The following LSS variants were observed in gnomAD, a reference collection of about 807,000 sequenced individuals.
LSS encodes the protein lanosterol synthase.
A neutral mutation model predicts 110.3 loss-of-function variants in LSS; 90 were observed. That is an observed-to-expected ratio of 0.82 (90% CI 0.69 to 0.97). The LOEUF is 0.97. Ranked by LOEUF, LSS falls within the 50% of genes least tolerant of loss-of-function variation. The pLI, the probability that LSS is intolerant of heterozygous loss-of-function variation, is 0.00. For synonymous variants in LSS, 433 were observed against 400.0 expected, an observed-to-expected ratio of 1.08 and a Z score of -0.98; for missense variants, 927 against 990.0, an observed-to-expected ratio of 0.94 and a Z score of 0.85.
At position 46,191,224 on chromosome 21, in the gene LSS, A is replaced by G. The variant is rs1409446025; in HGVS notation, c.2079T>C (p.Ala693=). The part of the protein sequence containing the change: ...PNGDWPQENI[A]GVFNKSCAIS... ...TGGCACAGGACTTGTTGAAGACCCC[A>G]GCAATGTTTTCCTAAAAGAACACAG... is the stretch of plus-strand genomic sequence containing the variant. The change falls in exon 22 of 22, where the codon GCT becomes GCC. Residue 693 remains alanine (A), a synonymous_variant. Coordinates refer to ENST00000397728, the MANE Select transcript of LSS (RefSeq NM_002340.6). The G allele has an allele frequency of 1.2e-6, 2 of 1,614,084 alleles. No individual in the cohort carries two copies. Among genetic ancestry groups the G allele is most frequent in the South Asian group, 2.2e-5 (2 of 91,090 alleles).
chr21:46,206,747 C>G lies in LSS; in HGVS notation c.1489G>C (p.Asp497His). 1 of 1,612,348 alleles carries G rather than the reference C, an allele frequency of 6.2e-7. No individual in the cohort carries two copies. Among genetic ancestry groups the G allele is most frequent in the Non-Finnish European group, 8.5e-7 (1 of 1,179,958 alleles). ...VAVLLNMRNP[D>H]GGFATYETKR... Reference sequence around the variant, plus strand: ...GTCTCATAGGTGGCGAACCCTCCATCTGGATTTCTCATGTTCAGCAGCTGA... The same window carrying G: ...GTCTCATAGGTGGCGAACCCTCCATGTGGATTTCTCATGTTCAGCAGCTGA... Residue 497 changes from aspartate to histidine, a missense_variant, in exon 16 of 22, where the codon GAT (aspartate) becomes CAT (histidine). By Grantham distance (81) the Asp-to-His change is moderately conservative (BLOSUM62 -1). Coordinates refer to ENST00000397728, the MANE Select transcript of LSS (RefSeq NM_002340.6).
At chr21:46,203,780 A>G (rs1246490094) in intron 17 of LSS, among the ~76,000 whole-genome samples, 1 of 152,224 alleles carries the variant, frequency 6.6e-6, no homozygotes, top group African/African-American at 2.4e-5. Flanking sequence ...GAACATTCTC[A>G]GATTGTAAAT....
At position 46,207,367 on chromosome 21, in the gene LSS, A is replaced by T. The variant is rs555942965; in HGVS notation, c.1467+61T>A. The T allele has an allele frequency of 3.9e-5, 61 of 1,583,246 alleles. No individual in the cohort carries two copies. In the East Asian group the frequency reaches 1.3e-3, roughly 34 times the overall value. ...GCTGGAGCCCACAGGAGTGGAAGTGAGCACGCAGCTCATCTGCAGGACACG... is the reference window on the plus strand; with the variant it reads ...GCTGGAGCCCACAGGAGTGGAAGTGTGCACGCAGCTCATCTGCAGGACACG... On this transcript the variant is annotated intron_variant, in intron 15 of 21. Coordinates refer to ENST00000397728, the MANE Select transcript of LSS (RefSeq NM_002340.6).
chr21:46,207,385 AG>A, intron 15 of LSS, 42 bp downstream of exon 15: 1 of 1,604,014 alleles, frequency 6.2e-7, no homozygotes, highest in Non-Finnish European at 8.5e-7. Context: ...GCTCATCTGC[AG>A]GACACGAGGT....
intron 3 of LSS, among the ~76,000 whole-genome samples, chr21:46,223,770 G>A (rs61143328): frequency 0.018 from 2,746 of 152,280 alleles, 82 homozygotes; most frequent in African/African-American, 0.062. Flanking sequence ...ACAGGAGTGC[G>A]AGCCTTCTGT....
chr21:46,195,545 G>T, intron 19 of LSS, 131 bp downstream of exon 19: 2 of 863,462 alleles, frequency 2.3e-6, no homozygotes, highest in South Asian at 1.5e-5. Flanking sequence ...CCGGTTGACA[G>T]AGCGAGACTC....
chr21:46,209,503 A>C lies in LSS; in HGVS notation c.1266+51T>G, dbSNP rs755883664. 2.0e-6 allele frequency: 3 copies of C among 1,528,820 alleles called. No homozygotes were observed. The African/African-American group carries it at 4.1e-5, about 21-fold the overall frequency. The allele number at this position is 1,528,820 out of a possible 1,614,324, so 94.7% of individuals were successfully genotyped here. A position where few individuals can be genotyped will look rare whatever the true frequency, so the allele number is the denominator to read the frequency against. ...GGCACTTCTGCCTGCAGGAGCTCCCAGCCCTGATCCCCCTCTTCAGCCCCC... is the reference window on the plus strand; with the variant it reads ...GGCACTTCTGCCTGCAGGAGCTCCCCGCCCTGATCCCCCTCTTCAGCCCCC... On this transcript the variant is annotated intron_variant, in intron 13 of 21. Coordinates refer to ENST00000397728, the MANE Select transcript of LSS (RefSeq NM_002340.6). This position sits in a 1 kb window ranked among gnomAD's most constrained non-coding sequence, Gnocchi z 4.4.
intron 17 of LSS, among the ~76,000 whole-genome samples, chr21:46,198,414 A>T (rs1278553933): frequency 1.3e-5 from 2 of 152,242 alleles, no homozygotes; most frequent in Admixed American, 6.5e-5. Context: ...TCTATATATG[A>T]TGAAAACTAC....
intron 17 of LSS, among the ~76,000 whole-genome samples, chr21:46,200,427 A>G (rs907248861): frequency 2.0e-5 from 3 of 152,236 alleles, no homozygotes; most frequent in African/African-American, 2.4e-5. Context: ...GAAACTAAGT[A>G]CAGCGGTCAT....
intron 3 of LSS, among the ~76,000 whole-genome samples, chr21:46,224,163 A>G (rs1287704553): frequency 6.6e-6 from 1 of 152,214 alleles, no homozygotes; most frequent in Non-Finnish European, 1.5e-5. Context: ...ATATGCAGAA[A>G]TAATGGCATA....
In LSS at chr21:46,208,237, T is replaced by A. The variant is rs1213392445; in HGVS notation, c.1317+14A>T. 6.4e-7 allele frequency: 1 copy of A among 1,551,762 alleles called. No homozygotes were observed. The highest frequency in any genetic ancestry group is 1.4e-5 in the African/African-American group (1 of 73,188). On this transcript the variant is annotated intron_variant, in intron 14 of 21. Coordinates refer to ENST00000397728, the MANE Select transcript of LSS (RefSeq NM_002340.6). ...CTGGGGGACGGGACAGGGATGGGGC[T>A]GGCTCCCGCATACCTTGCGCATCTG...
At chr21:46,203,130 G>A (rs543868089) in intron 17 of LSS, among the ~76,000 whole-genome samples, 10 of 152,366 alleles carry the variant, frequency 6.6e-5, no homozygotes, top group African/African-American at 2.2e-4. Flanking sequence ...AGGTCAGACA[G>A]CCAGAAGGGG....
intron 11 of LSS, among the ~76,000 whole-genome samples, chr21:46,211,842 G>A (rs578152893): frequency 6.6e-6 from 1 of 152,306 alleles, no homozygotes; most frequent in Admixed American, 6.5e-5. Flanking sequence ...AGAGACGGCT[G>A]GACTAACAGG....
chr21:46,217,938 T>C (rs528557294), intron 6 of LSS, among the ~76,000 whole-genome samples: 1 of 152,260 alleles, frequency 6.6e-6, no homozygotes, highest in South Asian at 2.1e-4. Flanking sequence ...CCTACTCTGG[T>C]ATCTCTGTCT....
chr21:46,192,224 C>G (rs1419282729), intron 20 of LSS: 3 of 559,080 alleles, frequency 5.4e-6, no homozygotes, highest in Non-Finnish European at 9.6e-6. Flanking sequence ...GTGTTCCCCC[C>G]TGAAGAGGAC....
intron 14 of LSS, 71 bp from the exon 15 acceptor site, chr21:46,207,648 G>A (rs1038204795): frequency 1.1e-5 from 17 of 1,507,030 alleles, no homozygotes; most frequent in Middle Eastern, 3.4e-4. Flanking sequence ...CCCCACAGCC[G>A]CACGCATCCC....
intron 9 of LSS, among the ~76,000 whole-genome samples, chr21:46,214,969 G>A (rs1268467815): frequency 3.9e-5 from 6 of 152,032 alleles, no homozygotes; most frequent in African/African-American, 7.2e-5. Context: ...GCGGGGGGTC[G>A]AGTGTGGTGG....
Position 46,216,606 on chromosome 21 carries a change from C to T in LSS, c.648-82G>A. 3 of 1,433,010 alleles carry T rather than the reference C, an allele frequency of 2.1e-6. No individual in the cohort carries two copies. The highest frequency in any genetic ancestry group is 2.8e-6 in the Non-Finnish European group (3 of 1,083,002). 88.8% of individuals were successfully genotyped at this position (1,433,010 alleles called of 1,614,324 possible). On this transcript the variant is annotated intron_variant, in intron 6 of 21. Coordinates refer to ENST00000397728, the MANE Select transcript of LSS (RefSeq NM_002340.6). This position sits in a 1 kb window ranked among gnomAD's most constrained non-coding sequence, Gnocchi z 4.2. ...CCAGCATCCATACCTTGGGCCCTTT[C>T]AAGCACGAACACTGGTGGATGGCTA...
At chr21:46,192,048 C>T (rs1490269953) in intron 20 of LSS, 89 bp from the exon 21 acceptor site, 1 of 995,496 alleles carries the variant, frequency 1.0e-6, no homozygotes. Flanking sequence ...AAGGGCAAAC[C>T]CTGGAATGCT....
Sources: allele counts gnomAD v4.1 joint callset (sites outside exome capture counted in the v4.1 genomes callset), GRCh38; gene constraint gnomAD v4.1.1; non-coding constraint Gnocchi (gnomAD v3.1); transcripts MANE v1.5; gene names NCBI Gene and HGNC (gene_info 2026-07-23, HGNC 2026-07-21).